The following EIF4G3 variants were observed in gnomAD, a reference collection of about 807,000 sequenced individuals.
The protein encoded by EIF4G3 is eukaryotic translation initiation factor 4 gamma 3, also known as eIF-4-gamma 3.
EIF4G3 carries 34 observed loss-of-function variants against 186.4 expected under a neutral mutation model. The ratio of observed to expected loss-of-function variants is 0.18; its 90% CI spans 0.14 to 0.24. The LOEUF is 0.24. Among genes scored for constraint, EIF4G3 ranks in the 10% least tolerant of loss-of-function variants. The pLI, the probability that EIF4G3 is intolerant of heterozygous loss-of-function variation, is 1.00. For missense variants in EIF4G3, 1,536 were observed against 1,948.5 expected (o/e 0.79, Z 3.99); for synonymous variants, 673 against 679.5 (o/e 0.99, Z 0.15).
At chr1:21,024,971 T>G (rs1265247154) in intron 4 of EIF4G3, among the ~76,000 whole-genome samples, 1 of 152,036 alleles carries the variant, frequency 6.6e-6, no homozygotes, top group Admixed American at 6.5e-5. Flanking sequence ...AGAATGTGAT[T>G]AATTCTTCCT....
At chr1:20,987,928 A>G (rs765818927) in intron 7 of EIF4G3, among the ~76,000 whole-genome samples, 2 of 152,244 alleles carry the variant, frequency 1.3e-5, no homozygotes, top group African/African-American at 4.8e-5. Flanking sequence ...GCAAAGAATA[A>G]GTTCTTGGAG....
intron 19 of EIF4G3, among the ~76,000 whole-genome samples, chr1:20,884,031 T>C (rs1233051827): frequency 6.6e-6 from 1 of 152,062 alleles, no homozygotes; most frequent in Admixed American, 6.5e-5. Flanking sequence ...AAGATGAGAA[T>C]AAGGTCATCA....
At position 21,150,540 on chromosome 1, in the gene EIF4G3, T is replaced by C. The variant is rs78649275; in HGVS notation, c.-272+25635A>G. 5.4e-3 allele frequency among the ~76,000 whole-genome samples: 825 copies of C among 152,348 alleles called. 2 individuals carry two copies. Among genetic ancestry groups the C allele is most frequent in the Non-Finnish European group, 8.2e-3 (558 of 68,032 alleles). ...TTAACAACAACTCCCTTGATTCCTGTGGAAAATCTAAACGCATTTCAAATT... is the reference window on the plus strand; with the variant it reads ...TTAACAACAACTCCCTTGATTCCTGCGGAAAATCTAAACGCATTTCAAATT... On this transcript the variant is annotated intron_variant, in intron 2 of 36. Coordinates refer to ENST00000602326, the MANE Select transcript of EIF4G3 (RefSeq NM_001391906.1).
At chr1:20,851,587 C>T (rs2073293278) in intron 27 of EIF4G3, 109 bp from the exon 28 acceptor site, 1 of 1,019,482 alleles carries the variant, frequency 9.8e-7, no homozygotes, top group African/African-American at 1.6e-5. Context: ...GAATTTTTCA[C>T]AGATAACATT....
At chr1:20,809,867 AC>A (rs2058881546) in intron 36 of EIF4G3, among the ~76,000 whole-genome samples, 1 of 152,272 alleles carries the variant, frequency 6.6e-6, no homozygotes, top group Admixed American at 6.5e-5. Context: ...GATATATACT[AC>A]CATCACTGTG....
At chr1:20,921,683 G>A (rs1177687507) in intron 14 of EIF4G3, among the ~76,000 whole-genome samples, 1 of 152,168 alleles carries the variant, frequency 6.6e-6, no homozygotes, top group East Asian at 1.9e-4. Context: ...TTCTGATATT[G>A]CCAGGTGAGG....
chr1:20,981,117 G>A lies in EIF4G3; in HGVS notation c.309C>T (p.His103=). The change falls in exon 9 of 37, where the codon CAC becomes CAT. Residue 103 remains histidine (H), a synonymous_variant. Transcript: ENST00000602326. The part of the protein sequence containing the change: ...TPTAVYQANQ[H]IMMVNHLPMP... ...TGGGCAGATGGTTAACCATCATGAT[G>A]TGCTGATTAGCCTGGTACACTGCAG... 6.2e-7 allele frequency: 1 copy of A among 1,613,772 alleles called. No homozygotes were observed. Among genetic ancestry groups the A allele is most frequent in the Non-Finnish European group, 8.5e-7 (1 of 1,179,806 alleles).
intron 7 of EIF4G3, among the ~76,000 whole-genome samples, chr1:20,983,761 T>G (rs2154566953): frequency 6.6e-6 from 1 of 152,308 alleles, no homozygotes; most frequent in South Asian, 2.1e-4. Context: ...ACACAGGTGA[T>G]CATCTATTAT....
At chr1:21,090,719 C>T (rs1387013620) in intron 2 of EIF4G3, among the ~76,000 whole-genome samples, 1 of 152,198 alleles carries the variant, frequency 6.6e-6, no homozygotes, top group African/African-American at 2.4e-5. Context: ...CGTTCCTAAA[C>T]CTTGCCCCAC....
At chr1:20,917,762 T>A (rs1433463433) in intron 14 of EIF4G3, among the ~76,000 whole-genome samples, 1 of 152,154 alleles carries the variant, frequency 6.6e-6, no homozygotes, top group Non-Finnish European at 1.5e-5. Flanking sequence ...TAACCTTACA[T>A]CAACTATACC....
chr1:21,040,043 C>T lies in EIF4G3; in HGVS notation c.-67+10823G>A, dbSNP rs562617114. Among the ~76,000 whole-genome samples, 146 of 152,334 alleles carry T rather than the reference C, an allele frequency of 9.6e-4. 2 individuals are homozygous for T. Among genetic ancestry groups the T allele is most frequent in the African/African-American group, 3.3e-3 (136 of 41,570 alleles). On this transcript the variant is annotated intron_variant, in intron 4 of 36. Coordinates refer to ENST00000602326, the MANE Select transcript of EIF4G3 (RefSeq NM_001391906.1). ...ACATATTTGGTCTTCATCCTGATTC[C>T]TGTCACACAACTTCTAAAAACCTTA...
chr1:21,121,165 G>A (rs1213920425), intron 2 of EIF4G3, among the ~76,000 whole-genome samples: 1 of 152,078 alleles, frequency 6.6e-6, no homozygotes, highest in African/African-American at 2.4e-5. Context: ...AAAGTGCTGT[G>A]ATTACAGGTG....
intron 20 of EIF4G3, among the ~76,000 whole-genome samples, chr1:20,870,984 TG>T (rs2079038149): frequency 4.6e-5 from 7 of 152,196 alleles, no homozygotes; most frequent in Non-Finnish European, 1.0e-4. Context: ...TCTGTATGTG[TG>T]TGTATACAGT....
chr1:21,062,083 G>A (rs2094947441), intron 3 of EIF4G3, among the ~76,000 whole-genome samples: 1 of 151,646 alleles, frequency 6.6e-6, no homozygotes, highest in Admixed American at 6.6e-5. Flanking sequence ...TTCTGAGGCA[G>A]GGTCTTGCTC....
chr1:21,151,236 C>CTTTTTTTTTTTTTT lies in EIF4G3; in HGVS notation c.-272+24925_-272+24938dup, dbSNP rs71014161. On this transcript the variant is annotated intron_variant, in intron 2 of 36. Coordinates refer to ENST00000602326, the MANE Select transcript of EIF4G3 (RefSeq NM_001391906.1). ...TTTAATGGTTATATAGTATTTCTTT[C>CTTTTTTTTTTTTTT]TTTTTTTTTTTTTTTTTTTTGAGAT... Among the ~76,000 whole-genome samples the CTTTTTTTTTTTTTT allele has an allele frequency of 1.2e-3, 93 of 80,440 alleles. 8 individuals are homozygous for CTTTTTTTTTTTTTT. The highest frequency in any genetic ancestry group is 2.2e-3 in the East Asian group (5 of 2,244). The allele number at this position is 80,440 out of a possible 152,430, so 52.8% of individuals were successfully genotyped here. A position where few individuals can be genotyped will look rare whatever the true frequency, so the allele number is the denominator to read the frequency against.
chr1:20,926,245 T>C (rs1301129950), intron 14 of EIF4G3, among the ~76,000 whole-genome samples: 2 of 152,212 alleles, frequency 1.3e-5, no homozygotes, highest in African/African-American at 4.8e-5. Context: ...TTATTAACTA[T>C]ATAACCTTCA....
At chr1:20,852,893 T>A (rs2154550680) in intron 27 of EIF4G3, among the ~76,000 whole-genome samples, 1 of 151,870 alleles carries the variant, frequency 6.6e-6, no homozygotes, top group East Asian at 1.9e-4. Flanking sequence ...ATAATAATAA[T>A]AAAAAGCCTG....
At chr1:21,160,321 A>T (rs1341360644) in intron 2 of EIF4G3, among the ~76,000 whole-genome samples, 1 of 152,224 alleles carries the variant, frequency 6.6e-6, no homozygotes, top group African/African-American at 2.4e-5. Context: ...ATAGAATTAT[A>T]ATCAATAAAT....
intron 14 of EIF4G3, among the ~76,000 whole-genome samples, chr1:20,939,532 C>G (rs1217660043): frequency 6.6e-6 from 1 of 152,138 alleles, no homozygotes; most frequent in East Asian, 1.9e-4. Flanking sequence ...AAGTGGCAAA[C>G]TGATGTTTAA....
Sources: allele counts gnomAD v4.1 joint callset (sites outside exome capture counted in the v4.1 genomes callset), GRCh38; gene constraint gnomAD v4.1.1; transcripts MANE v1.5; gene names NCBI Gene and HGNC (gene_info 2026-07-23, HGNC 2026-07-21).